PCNT: variants seen among roughly 807,000 people sequenced by gnomAD.
PCNT encodes the protein kendrin.
A neutral mutation model predicts 380.4 loss-of-function variants in PCNT; 319 were observed. The observed-to-expected ratio is 0.84, with a 90% CI of 0.77 to 0.92. PCNT has a LOEUF of 0.92. Ranked by LOEUF, PCNT falls within the 40% of genes least tolerant of loss-of-function variation. The probability of loss-of-function intolerance (pLI) is 0.00; values close to 1 mark genes in which losing one functional copy is unlikely to be tolerated. For synonymous variants in PCNT, 1,845 were observed against 1,735.2 expected, an observed-to-expected ratio of 1.06 and a Z score of -1.57; for missense variants, 4,400 against 4,255.3, an observed-to-expected ratio of 1.03 and a Z score of -0.95.
Position 46,336,874 on chromosome 21 carries a change from A to C in PCNT, c.639+2106A>C, listed in dbSNP as rs145652245. Among the ~76,000 whole-genome samples, 36 of 131,664 alleles carry C rather than the reference A, an allele frequency of 2.7e-4. 1 individual carries two copies. The East Asian group carries it at 8.1e-3, about 30-fold the overall frequency. The allele number at this position is 131,664 out of a possible 152,430, so 86.4% of individuals were successfully genotyped here. ...AGCCTAATCCAGCACCACAGAGTTC[A>C]TTCTGCCCTCCCCCCCAGGTTTATT... On this transcript the variant is annotated intron_variant, in intron 3 of 46. Transcript: ENST00000359568.
At chr21:46,444,630 G>A (rs1029042363) in intron 45 of PCNT, 64 bp from the exon 46 acceptor site, 21 of 1,570,208 alleles carry the variant, frequency 1.3e-5, no homozygotes, top group African/African-American at 1.1e-4. Context: ...CCATGGCTCC[G>A]TCTGTCAAAC....
At chr21:46,442,432 T>C in intron 43 of PCNT, 65 bp from the exon 44 acceptor site, 2 of 1,034,752 alleles carry the variant, frequency 1.9e-6, no homozygotes, top group Non-Finnish European at 3.0e-6. Flanking sequence ...CAGTGGGGTT[T>C]TCATTGCTCT....
chr21:46,427,487 C>T (rs955528571), intron 33 of PCNT, 135 bp from the exon 34 acceptor site: 6 of 927,394 alleles, frequency 6.5e-6, no homozygotes, highest in African/African-American at 1.6e-5. Context: ...GTCTCTTCCT[C>T]TTCTTAAGAG....
intron 14 of PCNT, 110 bp from the exon 15 acceptor site, chr21:46,366,474 G>A: frequency 4.5e-6 from 4 of 891,260 alleles, no homozygotes; most frequent in Non-Finnish European, 7.6e-6. Flanking sequence ...CCGAAACGAT[G>A]ACCTGAACAG....
In PCNT at chr21:46,382,152, C is replaced by T. The variant is rs1230566360; in HGVS notation, c.3312+312C>T. Among the ~76,000 whole-genome samples, 5 of 143,744 alleles carry T rather than the reference C, an allele frequency of 3.5e-5. 1 individual carries two copies. Among genetic ancestry groups the T allele is most frequent in the South Asian group, 4.8e-4 (2 of 4,174 alleles). 94.3% of individuals were successfully genotyped at this position (143,744 alleles called of 152,430 possible). On this transcript the variant is annotated intron_variant, in intron 16 of 46. Coordinates refer to ENST00000359568, the MANE Select transcript of PCNT (RefSeq NM_006031.6). Reference sequence around the variant, plus strand: ...GGTGTTGTGCATTCAGTGGCGGAAGCGCATTCATAGTGTAGATTCAGTGGC... The same window carrying T: ...GGTGTTGTGCATTCAGTGGCGGAAGTGCATTCATAGTGTAGATTCAGTGGC...
In PCNT at chr21:46,445,404, C is replaced by A; in HGVS notation, c.*77C>A. 8.7e-7 allele frequency: 1 copy of A among 1,155,644 alleles called. No individual in the cohort carries two copies. The highest frequency in any genetic ancestry group is 1.3e-6 in the Non-Finnish European group (1 of 761,360). 71.6% of individuals were successfully genotyped at this position (1,155,644 alleles called of 1,614,324 possible). ...GTTTTTCCCTTTTCCCAAGGAAGCT[C>A]GTGGGACAGCATGGGCACTACTCTT... On this transcript the variant is annotated 3_prime_UTR_variant, in exon 47 of 47. Coordinates refer to ENST00000359568, the MANE Select transcript of PCNT (RefSeq NM_006031.6).
chr21:46,422,028 A>G lies in PCNT; in HGVS notation c.7083A>G (p.Gln2361=). 6.2e-7 allele frequency: 1 copy of G among 1,614,046 alleles called. No homozygotes were observed. The highest frequency in any genetic ancestry group is 1.1e-5 in the South Asian group (1 of 91,086). ...LSPGSGGPEA[Q]TAGPVTPASI... is the part of the protein sequence containing the mutation. Reference sequence around the variant, plus strand: ...CGGGGTCAGGAGGCCCTGAGGCTCAAACTGCTGGTCCTGTGACCCCTGCTT... The same window carrying G: ...CGGGGTCAGGAGGCCCTGAGGCTCAGACTGCTGGTCCTGTGACCCCTGCTT... The change falls in exon 32 of 47, where the codon CAA becomes CAG. Residue 2361 remains glutamine (Q), a synonymous_variant. Transcript: ENST00000359568.
At chr21:46,384,212 G>A (rs140542041) in intron 16 of PCNT, among the ~76,000 whole-genome samples, 16,078 of 140,616 alleles carry the variant, frequency 0.11, 2,504 homozygotes, top group African/African-American at 0.38. Flanking sequence ...TGGCAGAAGC[G>A]CATTCACGGT....
intron 2 of PCNT, 113 bp downstream of exon 2, chr21:46,326,702 A>T (rs1425176323): frequency 2.4e-5 from 28 of 1,159,900 alleles, no homozygotes; most frequent in Non-Finnish European, 3.6e-5. Flanking sequence ...GTGAGGAAAG[A>T]GGGTGTTATT....
At chr21:46,360,102 C>G (rs2084649843) in intron 13 of PCNT, among the ~76,000 whole-genome samples, 1 of 152,004 alleles carries the variant, frequency 6.6e-6, no homozygotes, top group Non-Finnish European at 1.5e-5. Context: ...AGTGATCCAC[C>G]CGCCTCGGCC....
At chr21:46,330,244 A>G (rs905682006) in intron 2 of PCNT, among the ~76,000 whole-genome samples, 2 of 151,920 alleles carry the variant, frequency 1.3e-5, no homozygotes, top group Non-Finnish European at 1.5e-5. Context: ...CAGCCTCCCT[A>G]GTACCTGGGA....
chr21:46,428,050 A>C (rs998143539), intron 34 of PCNT, among the ~76,000 whole-genome samples: 2 of 152,182 alleles, frequency 1.3e-5, no homozygotes, highest in Admixed American at 1.3e-4. Context: ...TAGGTGGCTA[A>C]AGAAACGTTC....
rs778476700 is a variant in PCNT, at chr21:46,411,294, C to G, written c.5221C>G (p.Gln1741Glu). The change falls in exon 28 of 47, where the codon CAA (glutamine) becomes GAA (glutamate). Residue 1741 changes from glutamine to glutamate, a missense_variant. Physicochemically the swap from Gln to Glu is conservative, Grantham distance 29. Coordinates refer to ENST00000359568, the MANE Select transcript of PCNT (RefSeq NM_006031.6). Reference sequence around the variant, plus strand: ...AAAGGAGAAAGCAGAGGAAATTGAACAACTCCATGAAGTCATTGAGAAGCT... The same window carrying G: ...AAAGGAGAAAGCAGAGGAAATTGAAGAACTCCATGAAGTCATTGAGAAGCT... ...LQKEKAEEIEQLHEVIEKLQH... is the reference protein window; with the variant it reads ...LQKEKAEEIEELHEVIEKLQH... 6.2e-7 allele frequency: 1 copy of G among 1,614,204 alleles called. No homozygotes were observed. Among genetic ancestry groups the G allele is most frequent in the South Asian group, 1.1e-5 (1 of 91,088 alleles).
At chr21:46,421,397 C>A (rs2087243180) in intron 31 of PCNT, among the ~76,000 whole-genome samples, 1 of 152,220 alleles carries the variant, frequency 6.6e-6, no homozygotes, top group Non-Finnish European at 1.5e-5. Flanking sequence ...TTCCAAAGCG[C>A]CCCCCTCCCT....
intron 13 of PCNT, among the ~76,000 whole-genome samples, chr21:46,359,776 C>T (rs1278183279): frequency 7.2e-5 from 11 of 151,980 alleles, no homozygotes; most frequent in Admixed American, 4.6e-4. Context: ...CGTGAGCCAC[C>T]GTACCCAGCC....
intron 21 of PCNT, among the ~76,000 whole-genome samples, 188 bp downstream of exon 21, chr21:46,391,564 G>A (rs1323162940): frequency 2.0e-5 from 3 of 152,216 alleles, no homozygotes; most frequent in African/African-American, 7.2e-5. Flanking sequence ...TGGCTTTGCT[G>A]CCCTTTCAGA....
chr21:46,356,914 G>A (rs2084500244), intron 12 of PCNT, 60 bp from the exon 13 acceptor site: 1 of 1,459,096 alleles, frequency 6.9e-7, no homozygotes, highest in Non-Finnish European at 9.6e-7. Flanking sequence ...TGTGCGGACT[G>A]TGGGCTCCAT....
rs1436230052 is a variant in PCNT at position 46,427,795 on chromosome 21, GGTGA to G, written c.7494+4_7494+7del. ...GGCTGGAGAAGATCATCCGTGAGCAGGTGAGTGTCAGCTCTGCCACCAGGCCTCA... is the reference window on the plus strand; with the variant it reads ...GGCTGGAGAAGATCATCCGTGAGCAGGTGTCAGCTCTGCCACCAGGCCTCA... On this transcript the variant is annotated splice_donor_variant and splice_donor_region_variant and intron_variant, in intron 34 of 46. Transcript: ENST00000359568. LOFTEE classifies it high-confidence loss of function. 5 of 1,613,286 alleles carry G rather than the reference GGTGA, an allele frequency of 3.1e-6. No homozygotes were observed. In the African/African-American group the frequency reaches 4.0e-5, roughly 13 times the overall value.
chr21:46,399,283 T>TG (rs2086329611), intron 24 of PCNT, among the ~76,000 whole-genome samples: 14 of 32,856 alleles, frequency 4.3e-4, no homozygotes, highest in African/African-American at 1.5e-3. Flanking sequence ...GGGTCTCTGT[T>TG]CAGCCTGTGA....
Sources: allele counts gnomAD v4.1 joint callset (sites outside exome capture counted in the v4.1 genomes callset), GRCh38; gene constraint gnomAD v4.1.1; transcripts MANE v1.5; gene names NCBI Gene and HGNC (gene_info 2026-07-23, HGNC 2026-07-21).